The following PTPRD variants were observed in gnomAD, a reference collection of about 807,000 sequenced individuals.
PTPRD encodes the protein protein tyrosine phosphatase receptor type D.
A neutral mutation model predicts 214.5 loss-of-function variants in PTPRD; 34 were observed. The ratio of observed to expected loss-of-function variants is 0.16; its 90% CI spans 0.12 to 0.21. PTPRD has a LOEUF of 0.21. PTPRD is among the 10% of genes least tolerant of loss of function. PTPRD has a pLI of 1.00. For synonymous variants in PTPRD, 1,128 were observed against 845.7 expected, an observed-to-expected ratio of 1.33 and a Z score of -5.79; for missense variants, 2,545 against 2,398.7, an observed-to-expected ratio of 1.06 and a Z score of -1.27.
At chr9:9,491,607 G>A (rs2095901405) in intron 8 of PTPRD, among the ~76,000 whole-genome samples, 2 of 151,960 alleles carry the variant, frequency 1.3e-5, no homozygotes, top group East Asian at 1.9e-4. Context: ...AACCACAACA[G>A]GATAAATTTA....
At chr9:10,488,720 C>T (rs984362006) in intron 2 of PTPRD, among the ~76,000 whole-genome samples, 5 of 152,136 alleles carry the variant, frequency 3.3e-5, no homozygotes, top group African/African-American at 1.2e-4. Context: ...GCAGAGAACT[C>T]TCATCAACGG....
At chr9:10,231,648 T>C (rs2099610319) in intron 3 of PTPRD, among the ~76,000 whole-genome samples, 1 of 151,938 alleles carries the variant, frequency 6.6e-6, no homozygotes, top group Admixed American at 6.6e-5. Context: ...GCCTGGCAAA[T>C]AGTAAGTGCT....
intron 14 of PTPRD, among the ~76,000 whole-genome samples, chr9:8,544,271 A>G (rs2079286377): frequency 1.4e-5 from 2 of 147,776 alleles, no homozygotes; most frequent in South Asian, 2.1e-4. Flanking sequence ...GGTTCAAGCA[A>G]TTTGCCTGCC....
At chr9:9,696,129 A>G (rs2097369820) in intron 7 of PTPRD, among the ~76,000 whole-genome samples, 1 of 152,150 alleles carries the variant, frequency 6.6e-6, no homozygotes, top group African/African-American at 2.4e-5. Flanking sequence ...AGTAAGTTAT[A>G]TGTGCCCATG....
chr9:9,362,420 A>G (rs1020025434), intron 9 of PTPRD, among the ~76,000 whole-genome samples: 7 of 151,180 alleles, frequency 4.6e-5, no homozygotes, highest in African/African-American at 1.7e-4. Context: ...CCAACTAAAA[A>G]CTACAACACA....
At chr9:9,775,954 CAA>C (rs59412193) in intron 5 of PTPRD, among the ~76,000 whole-genome samples, 1 of 28,918 alleles carries the variant, frequency 3.5e-5, no homozygotes, top group East Asian at 1.1e-3. Context: ...GACTCTGTCT[CAA>C]AAAAAAAAAA....
chr9:10,109,723 A>G (rs1381638761), intron 3 of PTPRD, among the ~76,000 whole-genome samples: 1 of 152,176 alleles, frequency 6.6e-6, no homozygotes, highest in Non-Finnish European at 1.5e-5. Context: ...TAGTATTTCC[A>G]TGGCAGTATT....
intron 3 of PTPRD, among the ~76,000 whole-genome samples, chr9:10,147,230 G>C (rs1057097584): frequency 1.3e-5 from 2 of 151,822 alleles, no homozygotes; most frequent in African/African-American, 4.8e-5. Flanking sequence ...AGGAACACTG[G>C]GGGAGGAGAA....
intron 4 of PTPRD, among the ~76,000 whole-genome samples, chr9:9,973,098 A>T (rs1187158205): frequency 6.6e-6 from 1 of 152,066 alleles, no homozygotes. Flanking sequence ...TACTCCTACC[A>T]GAAGGGAATA....
At chr9:8,928,262 C>T (rs1290854944) in intron 11 of PTPRD, among the ~76,000 whole-genome samples, 1 of 152,128 alleles carries the variant, frequency 6.6e-6, no homozygotes, top group Non-Finnish European at 1.5e-5. Context: ...ATATTTTAGT[C>T]ATGAAGTCTT....
intron 4 of PTPRD, among the ~76,000 whole-genome samples, chr9:9,949,235 G>A (rs999824930): frequency 6.6e-6 from 1 of 151,908 alleles, no homozygotes; most frequent in Non-Finnish European, 1.5e-5. Flanking sequence ...CCACAAAATG[G>A]TAGCCATTTT....
intron 10 of PTPRD, among the ~76,000 whole-genome samples, chr9:9,023,131 G>A (rs961259187): frequency 2.0e-5 from 3 of 152,054 alleles, no homozygotes; most frequent in African/African-American, 7.2e-5. Context: ...GGGATAAAGT[G>A]CACACAAATG....
chr9:8,395,583 A>G (rs1441297613), intron 36 of PTPRD, among the ~76,000 whole-genome samples: 1 of 152,114 alleles, frequency 6.6e-6, no homozygotes, highest in Non-Finnish European at 1.5e-5. Context: ...TTGCCAGGGT[A>G]TCCCCTGGTA....
At chr9:10,543,502 A>ACACT (rs2059583225) in intron 2 of PTPRD, among the ~76,000 whole-genome samples, 1 of 151,438 alleles carries the variant, frequency 6.6e-6, no homozygotes, top group Admixed American at 6.6e-5. Context: ...ACACACACAC[A>ACACT]CACAAACACA....
chr9:9,543,653 T>C (rs1201364542), intron 8 of PTPRD, among the ~76,000 whole-genome samples: 5 of 151,520 alleles, frequency 3.3e-5, no homozygotes, highest in Non-Finnish European at 5.9e-5. Flanking sequence ...ATGTCACAGA[T>C]AAGCCTAGGA....
intron 10 of PTPRD, among the ~76,000 whole-genome samples, chr9:9,029,039 C>T (rs536444109): frequency 9.9e-4 from 151 of 151,818 alleles, no homozygotes; most frequent in African/African-American, 3.5e-3. Flanking sequence ...TTGAGATGTA[C>T]AATTGTGAAG....
chr9:9,559,829 G>C (rs1009173131), intron 8 of PTPRD, among the ~76,000 whole-genome samples: 1 of 152,134 alleles, frequency 6.6e-6, no homozygotes, highest in Admixed American at 6.5e-5. Context: ...ATATCCTCAG[G>C]CATGGGAGAG....
At chr9:10,250,519 A>G (rs1038963779) in intron 3 of PTPRD, among the ~76,000 whole-genome samples, 4 of 152,132 alleles carry the variant, frequency 2.6e-5, no homozygotes, top group African/African-American at 7.2e-5. Context: ...CTTTTCCCAA[A>G]ATGATATTTA....
intron 39 of PTPRD, among the ~76,000 whole-genome samples, chr9:8,366,400 A>G (rs1172348407): frequency 6.6e-6 from 1 of 152,060 alleles, no homozygotes; most frequent in Non-Finnish European, 1.5e-5. Flanking sequence ...TTTTGGGGGG[A>G]AGTGGAAGAG....
Sources: gnomAD v4.1 joint callset for allele counts (sites outside exome capture counted in the v4.1 genomes callset) on GRCh38, gnomAD v4.1.1 for gene constraint, MANE v1.5 for transcripts, NCBI Gene and HGNC (gene_info 2026-07-23, HGNC 2026-07-21) for gene names.